The following GCN1 variants were observed in gnomAD, a reference collection of about 807,000 sequenced individuals.
The protein encoded by GCN1 is GCN1 activator of EIF2AK4.
A neutral mutation model predicts 288.4 loss-of-function variants in GCN1; 90 were observed. The observed-to-expected ratio is 0.31, with a 90% CI of 0.26 to 0.37. GCN1 has a LOEUF of 0.37. GCN1 is among the 10% of genes least tolerant of loss of function. The pLI, the probability that GCN1 is intolerant of heterozygous loss-of-function variation, is 1.00. For synonymous variants in GCN1, 1,386 were observed against 1,420.2 expected (o/e 0.98, Z 0.54); for missense variants, 2,586 against 3,419.9 (o/e 0.76, Z 6.08).
At chr12:120,149,397 C>A (rs191076483) in intron 36 of GCN1, among the ~76,000 whole-genome samples, 3 of 152,200 alleles carry the variant, frequency 2.0e-5, no homozygotes, top group Non-Finnish European at 4.4e-5. Context: ...TAGTGGCATG[C>A]TCCTGTGAGA....
Position 120,127,993 on chromosome 12 carries a change from A to G in GCN1, c.7891-19T>C. On this transcript the variant is annotated intron_variant, in intron 57 of 57. Coordinates refer to ENST00000300648, the MANE Select transcript of GCN1 (RefSeq NM_006836.2). ...AGAGGGACTGTGGGGAAGGATGAGC[A>G]GGAGGAAACATAGTCAGAACATACG... 6.2e-7 allele frequency: 1 copy of G among 1,613,706 alleles called. No individual in the cohort carries two copies. The highest frequency in any genetic ancestry group is 1.3e-5 in the African/African-American group (1 of 75,044).
At chr12:120,185,787 G>A (rs2139142935) in intron 2 of GCN1, among the ~76,000 whole-genome samples, 2 of 152,240 alleles carry the variant, frequency 1.3e-5, no homozygotes, top group Non-Finnish European at 2.9e-5. Flanking sequence ...TTTTAGTAGA[G>A]ACAGGGTTTC....
At chr12:120,188,457 A>C (rs1878895480) in intron 2 of GCN1, among the ~76,000 whole-genome samples, 1 of 150,278 alleles carries the variant, frequency 6.7e-6, no homozygotes, top group African/African-American at 2.4e-5. Flanking sequence ...AAAAAAAAAA[A>C]ACCTCTCCCA....
chr12:120,143,795 T>C (rs1479220808), intron 42 of GCN1, among the ~76,000 whole-genome samples: 1 of 152,210 alleles, frequency 6.6e-6, no homozygotes, highest in Non-Finnish European at 1.5e-5. Context: ...GAATACAAAT[T>C]GGAAGCCTGT....
At chr12:120,190,239 A>AAG (rs1555303679) in intron 2 of GCN1, 59 bp downstream of exon 2, 12 of 956,946 alleles carry the variant, frequency 1.3e-5, no homozygotes, top group Non-Finnish European at 1.8e-5. Flanking sequence ...AAAAAAAAAA[A>AAG]AAAGAAAGAA....
At position 120,153,125 on chromosome 12, in the gene GCN1, A is replaced by G; in HGVS notation, c.4062+88T>C. The G allele has an allele frequency of 8.9e-7, 1 of 1,126,466 alleles. No homozygotes were observed. The highest frequency in any genetic ancestry group is 1.3e-6 in the Non-Finnish European group (1 of 776,816). The allele number at this position is 1,126,466 out of a possible 1,614,324, so 69.8% of individuals were successfully genotyped here. A position where few individuals can be genotyped will look rare whatever the true frequency, so the allele number is the denominator to read the frequency against. On this transcript the variant is annotated intron_variant, in intron 33 of 57. Transcript: ENST00000300648. This position sits in a 1 kb window ranked among gnomAD's most constrained non-coding sequence, Gnocchi z 4.4. ...TGGGCTTTCAGGGCCCTGATTGTCC[A>G]ACTCCACCCCTAGTATCCCACCGCC...
At chr12:120,151,057 A>G in intron 34 of GCN1, 88 bp downstream of exon 34, 1 of 1,463,906 alleles carries the variant, frequency 6.8e-7, no homozygotes, top group Non-Finnish European at 9.3e-7. Flanking sequence ...AACGGCCTCC[A>G]CCTGGGGCGC....
rs755577621 is a variant in GCN1 at position 120,142,466 on chromosome 12, C to A, written c.5829+41G>T. On this transcript the variant is annotated intron_variant, in intron 44 of 57. Coordinates refer to ENST00000300648, the MANE Select transcript of GCN1 (RefSeq NM_006836.2). This position sits in a 1 kb window ranked among gnomAD's most constrained non-coding sequence, Gnocchi z 4.9. ...CAGCCTTCTAGGCTCTGAAAGGAGG[C>A]ACTGGGGCTGCTGGTCCAAAACAAG... 3 of 1,453,094 alleles carry A rather than the reference C, an allele frequency of 2.1e-6. No homozygotes were observed. The highest frequency in any genetic ancestry group is 1.4e-5 in the African/African-American group (1 of 71,748). The allele number at this position is 1,453,094 out of a possible 1,614,324, so 90.0% of individuals were successfully genotyped here.
At chr12:120,176,256 C>G in intron 9 of GCN1, 39 bp from the exon 10 acceptor site, 1 of 1,325,574 alleles carries the variant, frequency 7.5e-7, no homozygotes. Context: ...TCAGTCTAAG[C>G]AATAAATTCA....
intron 2 of GCN1, among the ~76,000 whole-genome samples, chr12:120,190,037 G>A (rs1316632126): frequency 6.6e-6 from 1 of 151,578 alleles, no homozygotes; most frequent in Non-Finnish European, 1.5e-5. Flanking sequence ...ATGGAACACT[G>A]TCATTCGAGA....
intron 1 of GCN1, among the ~76,000 whole-genome samples, chr12:120,191,575 C>T (rs1449998237): frequency 6.6e-6 from 1 of 152,196 alleles, no homozygotes; most frequent in Non-Finnish European, 1.5e-5. Context: ...AGCGTACACA[C>T]AGAAATAAAA....
At position 120,134,585 on chromosome 12, in the gene GCN1, G is replaced by C; in HGVS notation, c.7150C>G (p.Leu2384Val). 3.7e-6 allele frequency: 6 copies of C among 1,614,158 alleles called. No homozygotes were observed. The highest frequency in any genetic ancestry group is 5.1e-6 in the Non-Finnish European group (6 of 1,179,988). Residue 2384 changes from leucine to valine, a missense_variant, in exon 52 of 58, where the codon CTC (leucine) becomes GTC (valine). Leu to Val is a conservative substitution (Grantham distance 32). Transcript: ENST00000300648. This position sits in a 1 kb window ranked among gnomAD's most constrained non-coding sequence, Gnocchi z 5.0. ...LISIHIKVDP[L>V]FTELLNGIRA... Reference sequence around the variant, plus strand: ...ATGCCATTGAGCAGCTCTGTGAAGAGGGGGTCCACCTTAATGTGGATGGAA... The same window carrying C: ...ATGCCATTGAGCAGCTCTGTGAAGACGGGGTCCACCTTAATGTGGATGGAA...
In GCN1 at chr12:120,178,881, C is replaced by T. The variant is rs756257670; in HGVS notation, c.496G>A (p.Val166Met). Residue 166 changes from valine to methionine, a missense_variant, in exon 6 of 58, where the codon GTG (valine) becomes ATG (methionine). Around this residue, in one of 8 missense-constraint regions of GCN1, gnomAD observed 913 missense variants for 1,107.0 expected, o/e 0.82. Transcript: ENST00000300648. ...TTCCACAGCTTCGTGAGTTTCTTCA[C>T]AGCACCATCCACGGCGTGCTTGTGG... The part of the protein sequence containing the change: ...GSHKHAVDGA[V>M]KKLTKLWKEN... The T allele has an allele frequency of 6.2e-6, 10 of 1,614,198 alleles. No homozygotes were observed. In the East Asian group the frequency reaches 1.3e-4, roughly 22 times the overall value.
In GCN1 at chr12:120,153,841, AAG is replaced by A; in HGVS notation, c.3768_3769del (p.Phe1257SerfsTer6). ...GAGGGCATCAGGGACAAAAAACTGAAAGAGTGGCTTCACCTGAGAGCTGTCCA... is the reference window on the plus strand; with the variant it reads ...GAGGGCATCAGGGACAAAAAACTGAAAGTGGCTTCACCTGAGAGCTGTCCA... On this transcript the variant is annotated frameshift_variant, in exon 32 of 58. Coordinates refer to ENST00000300648, the MANE Select transcript of GCN1 (RefSeq NM_006836.2). LOFTEE classifies it high-confidence loss of function. This position sits in a 1 kb window ranked among gnomAD's most constrained non-coding sequence, Gnocchi z 4.4. The A allele has an allele frequency of 6.2e-7, 1 of 1,614,122 alleles. No individual in the cohort carries two copies. The highest frequency in any genetic ancestry group is 8.5e-7 in the Non-Finnish European group (1 of 1,179,964).
chr12:120,160,605 C>G (rs575843519), intron 22 of GCN1, among the ~76,000 whole-genome samples: 73 of 152,360 alleles, frequency 4.8e-4, no homozygotes, highest in African/African-American at 1.7e-3. Flanking sequence ...TCCTCTCCAA[C>G]CCCTTCCTAC....
chr12:120,131,052 G>T, intron 55 of GCN1, 133 bp downstream of exon 55: 2 of 776,334 alleles, frequency 2.6e-6, no homozygotes, highest in Non-Finnish European at 4.3e-6. Flanking sequence ...CAAGGGCACA[G>T]CAAGTTACTG....
At chr12:120,194,186 G>A (rs762999517) in intron 1 of GCN1, among the ~76,000 whole-genome samples, 1 of 152,224 alleles carries the variant, frequency 6.6e-6, no homozygotes, top group Non-Finnish European at 1.5e-5. Context: ...CAGACTTGGC[G>A]GGGTTAAGTC....
At chr12:120,184,037 G>T in intron 4 of GCN1, 75 bp downstream of exon 4, 1 of 1,328,698 alleles carries the variant, frequency 7.5e-7, no homozygotes, top group Non-Finnish European at 1.0e-6. Context: ...TCCCTCTGGT[G>T]CACAGTCAAC....
At chr12:120,175,977 C>A in intron 10 of GCN1, 103 bp from the exon 11 acceptor site, 1 of 1,446,328 alleles carries the variant, frequency 6.9e-7, no homozygotes, top group Non-Finnish European at 9.5e-7. Flanking sequence ...TAGCTGTTTG[C>A]TCTCATTCAA....
Sources: allele counts gnomAD v4.1 joint callset (sites outside exome capture counted in the v4.1 genomes callset), GRCh38; gene constraint gnomAD v4.1.1; regional missense constraint gnomAD v4.1.1; non-coding constraint Gnocchi (gnomAD v3.1); transcripts MANE v1.5; gene names NCBI Gene and HGNC (gene_info 2026-07-23, HGNC 2026-07-21).